CELF2: variants seen among roughly 807,000 people sequenced by gnomAD.
CELF2 encodes the protein CUG triplet repeat RNA-binding protein 2.
Under a neutral mutation model 62.6 loss-of-function variants are expected in CELF2, and 8 were observed. The observed-to-expected ratio is 0.13, with a 90% CI of 0.07 to 0.23. The LOEUF (loss-of-function observed/expected upper bound fraction) is 0.23. Among genes scored for constraint, CELF2 ranks in the 10% least tolerant of loss-of-function variants. CELF2 has a pLI of 1.00. For missense variants in CELF2, 333 were observed against 671.0 expected (o/e 0.50, Z 5.56); for synonymous variants, 258 against 250.0 (o/e 1.03, Z -0.30).
In CELF2 at chr10:11,033,419, G is replaced by A. The variant is rs186774626; in HGVS notation, c.74+15256G>A. On this transcript the variant is annotated intron_variant, in intron 1 of 12. Transcript: ENST00000633077. Reference sequence around the variant, plus strand: ...ATTACAGGCATGCGCCACCACACCCGGCTAATTTTGTATTTTTAGTAGAGT... The same window carrying A: ...ATTACAGGCATGCGCCACCACACCCAGCTAATTTTGTATTTTTAGTAGAGT... Among the ~76,000 whole-genome samples the A allele has an allele frequency of 8.5e-4, 129 of 152,142 alleles. 2 individuals are homozygous for A. Among genetic ancestry groups the A allele is most frequent in the Non-Finnish European group, 1.5e-3 (104 of 67,996 alleles).
At chr10:10,593,913 G>A in the CELF2 span, among the ~76,000 whole-genome samples, 637 of 152,250 alleles carry the variant, frequency 4.2e-3, 4 homozygotes, top group African/African-American at 0.014. Flanking sequence ...ACTCCATAGG[G>A]TTATAGTGAG....
chr10:10,504,017 T>C, the CELF2 span, among the ~76,000 whole-genome samples: 1 of 152,052 alleles, frequency 6.6e-6, no homozygotes, highest in Non-Finnish European at 1.5e-5. Flanking sequence ...TTCCTCTATG[T>C]CCTCTTACAA....
chr10:10,602,055 C>G, the CELF2 span, among the ~76,000 whole-genome samples: 1 of 152,150 alleles, frequency 6.6e-6, no homozygotes, highest in Non-Finnish European at 1.5e-5. Flanking sequence ...CATGTCCCTG[C>G]AAAGGACATG....
intron 2 of CELF2, among the ~76,000 whole-genome samples, chr10:10,926,379 G>A (rs2065460408): frequency 6.6e-6 from 1 of 152,118 alleles, no homozygotes; most frequent in Non-Finnish European, 1.5e-5. Context: ...TTGCTCTTCT[G>A]CTGTCTGCCA....
At chr10:11,064,550 C>T (rs1435880131) in intron 1 of CELF2, among the ~76,000 whole-genome samples, 2 of 152,138 alleles carry the variant, frequency 1.3e-5, no homozygotes, top group African/African-American at 4.8e-5. Context: ...TCAGTTAAAC[C>T]ATAGTGAACC....
At position 11,305,448 on chromosome 10, in the gene CELF2, C is replaced by T. The variant is rs1461343873; in HGVS notation, c.977-8691C>T. Among the ~76,000 whole-genome samples the T allele has an allele frequency of 1.3e-5, 2 of 152,218 alleles. No homozygotes were observed. The highest frequency in any genetic ancestry group is 2.9e-5 in the Non-Finnish European group (2 of 68,048). ...GGCCTCTGCTTCCTCATCTTTCAAG[C>T]GCAGGAAAGACTCCAGTCTAGTTCA... On this transcript the variant is annotated intron_variant, in intron 9 of 12. Coordinates refer to ENST00000633077, the MANE Select transcript of CELF2 (RefSeq NM_001326342.2). The surrounding 1 kb of genome is among the most constrained non-coding windows in gnomAD (Gnocchi z 4.8).
the CELF2 span, among the ~76,000 whole-genome samples, chr10:10,564,568 C>T: frequency 0.011 from 1,734 of 151,340 alleles, 63 homozygotes; most frequent in East Asian, 0.097. Flanking sequence ...ACCTCTTTAC[C>T]CTTTTCATCT....
At chr10:11,252,854 C>A (rs2077552686) in intron 4 of CELF2, among the ~76,000 whole-genome samples, 2 of 152,216 alleles carry the variant, frequency 1.3e-5, no homozygotes, top group Non-Finnish European at 2.9e-5. Context: ...CACCTTCCAA[C>A]AGAATCCGCC....
rs1430021948 is a variant in CELF2 at position 11,177,652 on chromosome 10, C to T, written c.271+11970C>T. The stretch of plus-strand genomic sequence containing the variant: ...TCAACAGCAAAGAAGGAAATAGGGG[C>T]CTTAGTTTTTAAATCCTCTGTAAGA... On this transcript the variant is annotated intron_variant, in intron 2 of 12. Transcript: ENST00000633077. This position sits in a 1 kb window ranked among gnomAD's most constrained non-coding sequence, Gnocchi z 4.8. Among the ~76,000 whole-genome samples, 3 of 152,092 alleles carry T rather than the reference C, an allele frequency of 2.0e-5. No homozygotes were observed. Among genetic ancestry groups the T allele is most frequent in the Non-Finnish European group, 4.4e-5 (3 of 68,026 alleles).
chr10:11,282,823 C>T (rs751280939), intron 8 of CELF2, among the ~76,000 whole-genome samples: 20 of 152,244 alleles, frequency 1.3e-4, no homozygotes, highest in Non-Finnish European at 1.8e-4. Context: ...GACCAGCCTG[C>T]GCTGCCTTCG....
chr10:10,712,163 A>C, the CELF2 span, among the ~76,000 whole-genome samples: 2 of 149,504 alleles, frequency 1.3e-5, no homozygotes, highest in African/African-American at 2.5e-5. Context: ...AAAAAAAAAA[A>C]AAAAAAAAAA....
chr10:11,208,955 G>T (rs1225018465), intron 2 of CELF2, among the ~76,000 whole-genome samples: 1 of 152,196 alleles, frequency 6.6e-6, no homozygotes, highest in East Asian at 1.9e-4. Context: ...AGAAGGCAAC[G>T]CTACCTTAAC....
the CELF2 span, among the ~76,000 whole-genome samples, chr10:10,731,081 A>C: frequency 6.6e-6 from 1 of 152,160 alleles, no homozygotes; most frequent in African/African-American, 2.4e-5. Flanking sequence ...CTTAACCTTC[A>C]CAATCATCTC....
At chr10:11,013,206 A>C (rs1258298147), upstream of CELF2, among the ~76,000 whole-genome samples, 1 of 152,300 alleles carries the variant, frequency 6.6e-6, no homozygotes, top group East Asian at 1.9e-4. The surrounding 1 kb of genome is among the most constrained non-coding windows in gnomAD (Gnocchi z 4.1). Context: ...GCAGCTGGAG[A>C]GGAAGTTTCT....
At chr10:11,021,202 C>T (rs2058263157) in intron 1 of CELF2, among the ~76,000 whole-genome samples, 1 of 152,062 alleles carries the variant, frequency 6.6e-6, no homozygotes, top group African/African-American at 2.4e-5. Context: ...TACAGTTAGA[C>T]TGATAAACAC....
At chr10:11,129,621 G>A (rs556854956) in intron 1 of CELF2, among the ~76,000 whole-genome samples, 32 of 152,190 alleles carry the variant, frequency 2.1e-4, no homozygotes, top group African/African-American at 6.3e-4. Flanking sequence ...TGTATGTGTC[G>A]AGGAATTTAT....
At chr10:10,604,410 C>T in the CELF2 span, among the ~76,000 whole-genome samples, 1 of 152,154 alleles carries the variant, frequency 6.6e-6, no homozygotes, top group Non-Finnish European at 1.5e-5. Flanking sequence ...ATGGTTTTAT[C>T]TCCTGGAGAA....
At chr10:10,808,134 T>C (rs2055432828) in intron 1 of CELF2, among the ~76,000 whole-genome samples, 1 of 152,210 alleles carries the variant, frequency 6.6e-6, no homozygotes, top group African/African-American at 2.4e-5. Flanking sequence ...GAAAATGTGG[T>C]AGTTTCTGTG....
chr10:10,541,151 G>A, the CELF2 span, among the ~76,000 whole-genome samples: 4 of 150,404 alleles, frequency 2.7e-5, no homozygotes, highest in African/African-American at 4.9e-5. Context: ...GCTGAGGAAG[G>A]AGAATGGCGA....
Sources: allele counts gnomAD v4.1 joint callset (sites outside exome capture counted in the v4.1 genomes callset), GRCh38; gene constraint gnomAD v4.1.1; non-coding constraint Gnocchi (gnomAD v3.1); transcripts MANE v1.5; gene names NCBI Gene and HGNC (gene_info 2026-07-23, HGNC 2026-07-21).